Variants in ATOX1 observed in about 807,000 individuals in gnomAD.
ATOX1 encodes the protein antioxidant 1 copper chaperone, also known as copper transport protein ATOX1.
ATOX1 carries 4 observed loss-of-function variants against 7.3 expected under a neutral mutation model. That is an observed-to-expected ratio of 0.55 (90% CI 0.27 to 1.25). ATOX1 has a LOEUF of 1.25. ATOX1 is among the 50% of genes most tolerant of loss of function. The probability of loss-of-function intolerance (pLI) is 0.12; values close to 1 mark genes in which losing one functional copy is unlikely to be tolerated. For missense variants in ATOX1, 68 were observed against 81.6 expected (o/e 0.83, Z 0.64); for synonymous variants, 25 against 28.7 (o/e 0.87, Z 0.41).
chr5:151,747,018 G>A (rs924617236), intron 2 of ATOX1, among the ~76,000 whole-genome samples: 27 of 151,180 alleles, frequency 1.8e-4, no homozygotes, highest in African/African-American at 6.6e-4. Context: ...ATAGGCATGA[G>A]CCACCGTGCC....
intron 3 of ATOX1, 75 bp downstream of exon 3, chr5:151,746,204 C>G: frequency 7.1e-7 from 1 of 1,404,872 alleles, no homozygotes; most frequent in East Asian, 2.5e-5. Flanking sequence ...CTCAAGCTCT[C>G]AAAGGCCAAG....
intron 1 of ATOX1, among the ~76,000 whole-genome samples, chr5:151,757,126 T>C (rs1762028381): frequency 6.6e-6 from 1 of 152,218 alleles, no homozygotes; most frequent in African/African-American, 2.4e-5. Flanking sequence ...TTTTCTTCCC[T>C]TTCCAGTTTT....
intron 2 of ATOX1, among the ~76,000 whole-genome samples, chr5:151,749,053 G>A (rs1006668324): frequency 6.7e-6 from 1 of 149,818 alleles, no homozygotes; most frequent in Non-Finnish European, 1.5e-5. Context: ...AGCCAAGACC[G>A]CGCCACTGCA....
At chr5:151,746,068 C>T in intron 3 of ATOX1, 1 of 401,188 alleles carries the variant, frequency 2.5e-6, no homozygotes. Context: ...GTGCTCTGTC[C>T]ACTCACAGGG....
In ATOX1 at chr5:151,752,367, T is replaced by C. The variant is rs896963612; in HGVS notation, c.7-588A>G. Reference sequence around the variant, plus strand: ...CATCTGGGTCCAGGGAAAGAAAGGATTGCCTGGGTTCCCCAGTGGGTTGGA... The same window carrying C: ...CATCTGGGTCCAGGGAAAGAAAGGACTGCCTGGGTTCCCCAGTGGGTTGGA... On this transcript the variant is annotated intron_variant, in intron 1 of 3. Coordinates refer to ENST00000313115, the MANE Select transcript of ATOX1 (RefSeq NM_004045.4). The C allele has an allele frequency of 1.0e-5, 7 of 697,872 alleles. No individual in the cohort carries two copies. The African/African-American group carries it at 1.3e-4, about 13-fold the overall frequency. The allele number at this position is 697,872 out of a possible 1,614,324, so 43.2% of individuals were successfully genotyped here. A position where few individuals can be genotyped will look rare whatever the true frequency, so the allele number is the denominator to read the frequency against.
chr5:151,750,644 C>CTTTTTT (rs34586233), intron 2 of ATOX1, among the ~76,000 whole-genome samples: 34 of 100,322 alleles, frequency 3.4e-4, no homozygotes, highest in South Asian at 6.6e-4. Flanking sequence ...TTTTTTCTTT[C>CTTTTTT]TTTTTTTTTT....
chr5:151,755,610 G>T (rs1228439103), intron 1 of ATOX1, among the ~76,000 whole-genome samples: 1 of 152,168 alleles, frequency 6.6e-6, no homozygotes, highest in Admixed American at 6.5e-5. Flanking sequence ...TTCTGTCGCT[G>T]ACTACAGGGA....
In ATOX1 at chr5:151,746,514, G is replaced by A. The variant is rs536823839; in HGVS notation, c.83-65C>T. 1.4e-5 allele frequency: 23 copies of A among 1,599,324 alleles called. No individual in the cohort carries two copies. The South Asian group carries it at 2.6e-4, about 18-fold the overall frequency. ...AGACCCTCCCAGTTACAGCAAGAAA[G>A]AGTTCAGGCTCTAAATTACTACTCA... is the stretch of plus-strand genomic sequence containing the variant. On this transcript the variant is annotated intron_variant, in intron 2 of 3. Transcript: ENST00000313115.
intron 1 of ATOX1, among the ~76,000 whole-genome samples, chr5:151,757,806 T>A (rs991807069): frequency 1.1e-4 from 17 of 152,216 alleles, no homozygotes; most frequent in Non-Finnish European, 2.5e-4. Flanking sequence ...TGGAATAAGT[T>A]ACTGGGCTTT....
intron 2 of ATOX1, among the ~76,000 whole-genome samples, chr5:151,747,527 C>T (rs747675059): frequency 1.3e-4 from 20 of 151,852 alleles, no homozygotes; most frequent in Admixed American, 2.6e-4. Context: ...TCAAGCGATC[C>T]GCCTGCCTTG....
rs1028454384 is a variant in ATOX1 at position 151,747,292 on chromosome 5, T to C, written c.83-843A>G. Among the ~76,000 whole-genome samples the C allele has an allele frequency of 2.6e-5, 4 of 151,922 alleles. No homozygotes were observed. The East Asian group carries it at 7.7e-4, about 29-fold the overall frequency. Reference sequence around the variant, plus strand: ...CTCTTTATTTATTCATTTTTATTTATTTATTTATTTAGAGACAGGGTCTCA... The same window carrying C: ...CTCTTTATTTATTCATTTTTATTTACTTATTTATTTAGAGACAGGGTCTCA... On this transcript the variant is annotated intron_variant, in intron 2 of 3. Transcript: ENST00000313115.
At chr5:151,755,144 T>C (rs1357071471) in intron 1 of ATOX1, among the ~76,000 whole-genome samples, 1 of 152,176 alleles carries the variant, frequency 6.6e-6, no homozygotes, top group African/African-American at 2.4e-5. Flanking sequence ...AAAAAAAGTT[T>C]GCTGAGTCTT....
Position 151,756,324 on chromosome 5 carries a change from C to T in ATOX1, c.6+2222G>A, listed in dbSNP as rs185001736. Among the ~76,000 whole-genome samples, 200 of 152,126 alleles carry T rather than the reference C, an allele frequency of 1.3e-3. 1 individual carries two copies. The highest frequency in any genetic ancestry group is 1.6e-3 in the Non-Finnish European group (112 of 67,982). ...CTCACGGTGATTCGGCTGAGTAGGG[C>T]CTGAATTGAACATAGTCAGCCTCTA... On this transcript the variant is annotated intron_variant, in intron 1 of 3. Coordinates refer to ENST00000313115, the MANE Select transcript of ATOX1 (RefSeq NM_004045.4).
At chr5:151,748,138 C>T (rs1291746934) in intron 2 of ATOX1, among the ~76,000 whole-genome samples, 11 of 152,194 alleles carry the variant, frequency 7.2e-5, no homozygotes, top group Non-Finnish European at 1.2e-4. Flanking sequence ...ATTGCAAAAT[C>T]GCCCTCCTAA....
intron 3 of ATOX1, 173 bp downstream of exon 3, chr5:151,746,106 T>G (rs1408733056): frequency 1.9e-6 from 1 of 513,530 alleles, no homozygotes; most frequent in Non-Finnish European, 3.4e-6. Flanking sequence ...AACTTGTGAT[T>G]TGCATTAGAC....
At chr5:151,757,049 C>T (rs913300212) in intron 1 of ATOX1, among the ~76,000 whole-genome samples, 1 of 152,062 alleles carries the variant, frequency 6.6e-6, no homozygotes, top group Admixed American at 6.6e-5. Flanking sequence ...TGCTCTCGGG[C>T]ATTTGTCTGA....
rs775006117 is a variant in ATOX1 at position 151,758,598 on chromosome 5, A to G, written c.-47T>C. On this transcript the variant is annotated 5_prime_UTR_variant, in exon 1 of 4. Coordinates refer to ENST00000313115, the MANE Select transcript of ATOX1 (RefSeq NM_004045.4). ...GCGGCGGTGTGGCGGCGGTGTCAGC[A>G]GCGCCTCTCTGGATTCGGAGGGCGG... The G allele has an allele frequency of 2.2e-6, 3 of 1,390,648 alleles. No individual in the cohort carries two copies. Among genetic ancestry groups the G allele is most frequent in the Non-Finnish European group, 9.4e-7 (1 of 1,065,138 alleles). 86.1% of individuals were successfully genotyped at this position (1,390,648 alleles called of 1,614,324 possible). A position where few individuals can be genotyped will look rare whatever the true frequency, so the allele number is the denominator to read the frequency against.
chr5:151,750,644 C>CTTTTTTTTT (rs34586233), intron 2 of ATOX1, among the ~76,000 whole-genome samples: 3 of 100,350 alleles, frequency 3.0e-5, no homozygotes, highest in East Asian at 2.8e-4. Context: ...TTTTTTCTTT[C>CTTTTTTTTT]TTTTTTTTTT....
chr5:151,757,612 T>C (rs1184124377), intron 1 of ATOX1, among the ~76,000 whole-genome samples: 1 of 152,192 alleles, frequency 6.6e-6, no homozygotes, highest in Admixed American at 6.5e-5. Context: ...GAGCCATGAA[T>C]TAGGCACCCT....
Sources: allele counts gnomAD v4.1 joint callset (sites outside exome capture counted in the v4.1 genomes callset), GRCh38; gene constraint gnomAD v4.1.1; transcripts MANE v1.5; gene names NCBI Gene and HGNC (gene_info 2026-07-23, HGNC 2026-07-21).